The following CAMTA1 variants were observed in gnomAD, a reference collection of about 807,000 sequenced individuals.
The protein encoded by CAMTA1 is calmodulin binding transcription activator 1, also known as calmodulin-binding transcription activator 1.
A neutral mutation model predicts 170.9 loss-of-function variants in CAMTA1; 27 were observed. The observed-to-expected ratio is 0.16, with a 90% CI of 0.12 to 0.22. The LOEUF is 0.22. CAMTA1 is among the 10% of genes least tolerant of loss of function. CAMTA1 has a pLI of 1.00. For synonymous variants in CAMTA1, 833 were observed against 891.5 expected, an observed-to-expected ratio of 0.93 and a Z score of 1.17; for missense variants, 1,619 against 2,217.2, an observed-to-expected ratio of 0.73 and a Z score of 5.42.
At chr1:6,952,053 A>G (rs1402539654) in intron 3 of CAMTA1, among the ~76,000 whole-genome samples, 1 of 152,154 alleles carries the variant, frequency 6.6e-6, no homozygotes, top group Admixed American at 6.5e-5. Flanking sequence ...TGCCGTCTGC[A>G]TCCCACTGTG....
At position 7,150,900 on chromosome 1, in the gene CAMTA1, C is replaced by T. The variant is rs533786136; in HGVS notation, c.302+59529C>T. Among the ~76,000 whole-genome samples, 6 of 152,306 alleles carry T rather than the reference C, an allele frequency of 3.9e-5. No individual in the cohort carries two copies. In the South Asian group the frequency reaches 1.2e-3, roughly 32 times the overall value. ...ACTCAGAAAGCACCGTTTCATTTTG[C>T]TCGAGTAAAGAAGGCAGGCGCAGAG... On this transcript the variant is annotated intron_variant, in intron 4 of 22. Transcript: ENST00000303635.
chr1:7,418,291 G>A (rs999181893), intron 5 of CAMTA1, among the ~76,000 whole-genome samples: 1 of 152,158 alleles, frequency 6.6e-6, no homozygotes, highest in Admixed American at 6.5e-5. Context: ...CACCTCCCAG[G>A]TTCAAGTGAT....
chr1:7,436,759 C>T (rs1460988297), intron 5 of CAMTA1, among the ~76,000 whole-genome samples: 10 of 152,294 alleles, frequency 6.6e-5, no homozygotes, highest in South Asian at 2.1e-4. Context: ...TGTAGTCCCT[C>T]GCCTCTGTAC....
chr1:7,355,219 A>G (rs2085007947), intron 5 of CAMTA1, among the ~76,000 whole-genome samples: 2 of 151,376 alleles, frequency 1.3e-5, no homozygotes, highest in African/African-American at 4.9e-5. Flanking sequence ...AAAAAAAAAA[A>G]AAAAGAAAGA....
At chr1:7,360,654 T>C (rs1373764998) in intron 5 of CAMTA1, among the ~76,000 whole-genome samples, 2 of 152,220 alleles carry the variant, frequency 1.3e-5, no homozygotes, top group African/African-American at 4.8e-5. Context: ...CTCTCAGGAC[T>C]GTGTAGTCCC....
In CAMTA1 at chr1:7,248,428, CGTG is replaced by C. The variant is rs1487954242; in HGVS notation, c.303-1059_303-1057del. 6.6e-6 allele frequency among the ~76,000 whole-genome samples: 1 copy of C among 152,212 alleles called. No homozygotes were observed. Among genetic ancestry groups the C allele is most frequent in the Non-Finnish European group, 1.5e-5 (1 of 68,032 alleles). Reference sequence around the variant, plus strand: ...TGAGGTGGCAAGCCTGCACTGGCCTCGTGGTGCGCAGAATCGCTGGCATTCCTC... The same window carrying C: ...TGAGGTGGCAAGCCTGCACTGGCCTCGTGCGCAGAATCGCTGGCATTCCTC... On this transcript the variant is annotated intron_variant, in intron 4 of 22. Transcript: ENST00000303635. This position sits in a 1 kb window ranked among gnomAD's most constrained non-coding sequence, Gnocchi z 4.0.
At chr1:6,953,013 G>T (rs1404254532) in intron 3 of CAMTA1, among the ~76,000 whole-genome samples, 1 of 134,012 alleles carries the variant, frequency 7.5e-6, no homozygotes, top group Non-Finnish European at 1.7e-5. Context: ...GCATATGTGT[G>T]TTTTGCTTGT....
chr1:7,473,334 C>A (rs2093365619), intron 6 of CAMTA1, among the ~76,000 whole-genome samples: 1 of 152,202 alleles, frequency 6.6e-6, no homozygotes, highest in Admixed American at 6.5e-5. Context: ...GCCTTTTGGC[C>A]CATAGGAGGA....
At chr1:6,966,888 AG>A (rs905479550) in intron 3 of CAMTA1, among the ~76,000 whole-genome samples, 3 of 150,840 alleles carry the variant, frequency 2.0e-5, no homozygotes, top group African/African-American at 7.3e-5. Flanking sequence ...TTGGGATTAC[AG>A]GCATGAGCCA....
intron 3 of CAMTA1, among the ~76,000 whole-genome samples, chr1:7,028,767 G>A (rs1362510358): frequency 6.6e-6 from 1 of 152,172 alleles, no homozygotes; most frequent in Non-Finnish European, 1.5e-5. Flanking sequence ...CTCAGTAAGT[G>A]TTTGGACTGT....
chr1:6,985,952 A>G (rs1695285352), intron 3 of CAMTA1, among the ~76,000 whole-genome samples: 1 of 152,200 alleles, frequency 6.6e-6, no homozygotes, highest in Admixed American at 6.5e-5. Flanking sequence ...CTAACCTCTG[A>G]CTACCGGCGA....
intron 4 of CAMTA1, among the ~76,000 whole-genome samples, chr1:7,232,213 A>G (rs74051677): frequency 0.016 from 2,436 of 152,176 alleles, 62 homozygotes; most frequent in African/African-American, 0.056. Flanking sequence ...AGATGGAGGG[A>G]CAGTTGCCTG....
intron 4 of CAMTA1, among the ~76,000 whole-genome samples, chr1:7,211,101 T>C (rs1658669824): frequency 1.3e-5 from 2 of 152,244 alleles, no homozygotes; most frequent in African/African-American, 4.8e-5. Flanking sequence ...TTATCATAGA[T>C]CTATTCAGCT....
At chr1:6,800,590 CTT>C (rs1643643287) in intron 1 of CAMTA1, among the ~76,000 whole-genome samples, 1 of 152,038 alleles carries the variant, frequency 6.6e-6, no homozygotes, top group Non-Finnish European at 1.5e-5. Context: ...TAACCTCAGA[CTT>C]TTTATGTTTA....
Position 6,825,224 on chromosome 1 carries a change from T to C in CAMTA1, c.234+14T>C. 6.9e-7 allele frequency: 1 copy of C among 1,456,418 alleles called. No homozygotes were observed. The highest frequency in any genetic ancestry group is 9.4e-7 in the Non-Finnish European group (1 of 1,061,496). 90.2% of individuals were successfully genotyped at this position (1,456,418 alleles called of 1,614,324 possible). A position where few individuals can be genotyped will look rare whatever the true frequency, so the allele number is the denominator to read the frequency against. ...AACACTAATGAGGTAGATAAGTTTCTTTTTTTAAGGGTATAATTATTTTAA... is the reference window on the plus strand; with the variant it reads ...AACACTAATGAGGTAGATAAGTTTCCTTTTTTAAGGGTATAATTATTTTAA... On this transcript the variant is annotated intron_variant, in intron 3 of 22. Transcript: ENST00000303635.
intron 5 of CAMTA1, among the ~76,000 whole-genome samples, chr1:7,279,464 C>T (rs985174911): frequency 7.9e-5 from 12 of 152,078 alleles, no homozygotes; most frequent in African/African-American, 9.7e-5. Context: ...GCCAGGGGAC[C>T]GGCAGCCCCA....
chr1:7,130,097 C>G (rs1273467655), intron 4 of CAMTA1, among the ~76,000 whole-genome samples: 1 of 152,058 alleles, frequency 6.6e-6, no homozygotes, highest in Non-Finnish European at 1.5e-5. Flanking sequence ...CGTCACTATG[C>G]CTGGCTAATT....
chr1:7,535,599 A>G (rs1238816290), intron 6 of CAMTA1, among the ~76,000 whole-genome samples: 1 of 152,142 alleles, frequency 6.6e-6, no homozygotes, highest in African/African-American at 2.4e-5. Context: ...AGGACTGGAG[A>G]CGAGTGGCCA....
At chr1:7,415,604 T>C (rs1320945019) in intron 5 of CAMTA1, among the ~76,000 whole-genome samples, 1 of 152,156 alleles carries the variant, frequency 6.6e-6, no homozygotes, top group Non-Finnish European at 1.5e-5. Flanking sequence ...TTGTTTTCCA[T>C]TTGCTTGGTA....
Sources: allele counts gnomAD v4.1 joint callset (sites outside exome capture counted in the v4.1 genomes callset), GRCh38; gene constraint gnomAD v4.1.1; non-coding constraint Gnocchi (gnomAD v3.1); transcripts MANE v1.5; gene names NCBI Gene and HGNC (gene_info 2026-07-23, HGNC 2026-07-21).